ARPP21: variants seen among roughly 807,000 people sequenced by gnomAD.
ARPP21 encodes cAMP-regulated phosphoprotein 21.
ARPP21 carries 69 observed loss-of-function variants against 113.2 expected under a neutral mutation model. The ratio of observed to expected loss-of-function variants is 0.61; its 90% CI spans 0.50 to 0.74. The LOEUF (loss-of-function observed/expected upper bound fraction) is 0.74, where lower values mean the gene tolerates loss of function less well. ARPP21 is among the 30% of genes least tolerant of loss of function. ARPP21 has a pLI of 0.00. For synonymous variants in ARPP21, 368 were observed against 375.5 expected (o/e 0.98, Z 0.23); for missense variants, 1,070 against 1,037.4 (o/e 1.03, Z -0.43).
At chr3:35,656,270 C>T (rs1462853338) in intron 1 of ARPP21, among the ~76,000 whole-genome samples, 1 of 151,876 alleles carries the variant, frequency 6.6e-6, no homozygotes, top group Non-Finnish European at 1.5e-5. Flanking sequence ...TAATAATCCC[C>T]TAATCCACAA....
chr3:35,791,573 G>A (rs2096748536), intron 19 of ARPP21, among the ~76,000 whole-genome samples: 1 of 151,794 alleles, frequency 6.6e-6, no homozygotes, highest in Non-Finnish European at 1.5e-5. Context: ...TTGAAGTGAG[G>A]ATTTAAATAA....
intron 1 of ARPP21, among the ~76,000 whole-genome samples, chr3:35,645,157 T>A (rs1476496057): frequency 6.6e-6 from 1 of 151,844 alleles, no homozygotes; most frequent in African/African-American, 2.4e-5. Flanking sequence ...TTTATCCAGA[T>A]AAAGAGGGCA....
At chr3:35,699,550 C>A (rs1453343786) in intron 9 of ARPP21, among the ~76,000 whole-genome samples, 9 of 151,772 alleles carry the variant, frequency 5.9e-5, no homozygotes, top group Non-Finnish European at 1.3e-4. Flanking sequence ...CACAACCTGA[C>A]TTCTTTCAAT....
At chr3:35,713,289 T>A (rs1310578296) in intron 11 of ARPP21, among the ~76,000 whole-genome samples, 1 of 152,182 alleles carries the variant, frequency 6.6e-6, no homozygotes, top group Non-Finnish European at 1.5e-5. Context: ...TCACAGCCCA[T>A]AACTGTATCT....
At position 35,682,879 on chromosome 3, in the gene ARPP21, G is replaced by C; in HGVS notation, c.161G>C (p.Arg54Thr). The C allele has an allele frequency of 6.2e-7, 1 of 1,608,872 alleles. No homozygotes were observed. The highest frequency in any genetic ancestry group is 8.5e-7 in the Non-Finnish European group (1 of 1,177,134). ...CTGGAGGCTCAGAATCAAGAAAGAAGAAAATCCAAGGTAGGGTTCTTAACA... is the reference window on the plus strand; with the variant it reads ...CTGGAGGCTCAGAATCAAGAAAGAACAAAATCCAAGGTAGGGTTCTTAACA... Reference protein sequence around the residue: ...RRLEAQNQERRKSKSGAGKGK... With the variant: ...RRLEAQNQERTKSKSGAGKGK... Residue 54 changes from arginine to threonine, a missense_variant, in exon 4 of 21, where the codon AGA becomes ACA. Coordinates refer to ENST00000684406, the MANE Select transcript of ARPP21 (RefSeq NM_001385562.1).
At chr3:35,790,496 G>T (rs531911716) in intron 19 of ARPP21, among the ~76,000 whole-genome samples, 1 of 152,116 alleles carries the variant, frequency 6.6e-6, no homozygotes, top group Non-Finnish European at 1.5e-5. Flanking sequence ...AAAAACAATC[G>T]GAAACAATTT....
chr3:35,677,292 A>G (rs918531751), intron 1 of ARPP21, among the ~76,000 whole-genome samples: 4 of 151,902 alleles, frequency 2.6e-5, no homozygotes, highest in African/African-American at 4.8e-5. Flanking sequence ...ACACACAGAC[A>G]CACACACATA....
intron 19 of ARPP21, among the ~76,000 whole-genome samples, chr3:35,774,447 G>T (rs1469018713): frequency 1.3e-5 from 2 of 152,080 alleles, no homozygotes; most frequent in Non-Finnish European, 1.5e-5. Flanking sequence ...ACATTGAATT[G>T]CTCTTTATCA....
intron 5 of ARPP21, chr3:35,685,032 T>A: frequency 1.0e-6 from 1 of 984,954 alleles, no homozygotes; most frequent in Non-Finnish European, 1.2e-6. Context: ...GATTGATGGC[T>A]TGTAATGTAC....
At chr3:35,745,756 T>C (rs765083916) in intron 19 of ARPP21, among the ~76,000 whole-genome samples, 5 of 152,190 alleles carry the variant, frequency 3.3e-5, no homozygotes, top group Non-Finnish European at 7.3e-5. Flanking sequence ...ATGAGGCATT[T>C]TTTACTCTTT....
At chr3:35,664,628 A>T (rs1175327830) in intron 1 of ARPP21, among the ~76,000 whole-genome samples, 1 of 152,104 alleles carries the variant, frequency 6.6e-6, no homozygotes, top group Non-Finnish European at 1.5e-5. Flanking sequence ...AGTCCGCTTT[A>T]TCCCTTCGAA....
chr3:35,696,792 C>T (rs1228568672), intron 9 of ARPP21, among the ~76,000 whole-genome samples: 2 of 151,424 alleles, frequency 1.3e-5, no homozygotes, highest in Non-Finnish European at 3.0e-5. Flanking sequence ...GAATAGTGAT[C>T]TTATCAAAAT....
intron 11 of ARPP21, chr3:35,715,190 C>A: frequency 2.7e-6 from 1 of 373,448 alleles, no homozygotes; most frequent in Non-Finnish European, 4.9e-6. Context: ...TTCTTCTGAC[C>A]TCCATGCCGA....
At position 35,687,263 on chromosome 3, in the gene ARPP21, A is replaced by C. The variant is rs566551149; in HGVS notation, c.262-476A>C. On this transcript the variant is annotated intron_variant, in intron 5 of 20. Transcript: ENST00000684406. Reference sequence around the variant, plus strand: ...TGAGTTTTTAATTGTAAATTCAGTAATAGGGGCTTTCTTTATGTCTGTTCT... The same window carrying C: ...TGAGTTTTTAATTGTAAATTCAGTACTAGGGGCTTTCTTTATGTCTGTTCT... 8.3e-4 allele frequency among the ~76,000 whole-genome samples: 126 copies of C among 151,388 alleles called. 1 individual carries two copies. Among genetic ancestry groups the C allele is most frequent in the African/African-American group, 2.2e-3 (90 of 41,430 alleles).
At chr3:35,643,191 C>A (rs561562664) in intron 1 of ARPP21, among the ~76,000 whole-genome samples, 38 of 152,088 alleles carry the variant, frequency 2.5e-4, no homozygotes, top group Non-Finnish European at 4.9e-4. Context: ...GCTAATTAGA[C>A]AAAATGCTTA....
At chr3:35,767,418 C>CT (rs1366416958) in intron 19 of ARPP21, among the ~76,000 whole-genome samples, 1 of 152,026 alleles carries the variant, frequency 6.6e-6, no homozygotes, top group Non-Finnish European at 1.5e-5. Context: ...AAAGTGTGCT[C>CT]TTTTTTGTTG....
chr3:35,794,267 C>T lies in ARPP21; in HGVS notation c.*309C>T, dbSNP rs1380414597. The T allele has an allele frequency of 3.0e-6, 1 of 328,322 alleles. No homozygotes were observed. The highest frequency in any genetic ancestry group is 5.6e-6 in the Non-Finnish European group (1 of 178,750). The allele number at this position is 328,322 out of a possible 1,614,324, so 20.3% of individuals were successfully genotyped here. A position where few individuals can be genotyped will look rare whatever the true frequency, so the allele number is the denominator to read the frequency against. On this transcript the variant is annotated 3_prime_UTR_variant, in exon 21 of 21. Coordinates refer to ENST00000684406, the MANE Select transcript of ARPP21 (RefSeq NM_001385562.1). Reference sequence around the variant, plus strand: ...ATCCCTAATTTGGATTAGTTTTGTACTTTGTGTTGAGTTTGTGATGCTAAA... The same window carrying T: ...ATCCCTAATTTGGATTAGTTTTGTATTTTGTGTTGAGTTTGTGATGCTAAA...
At chr3:35,690,251 G>A (rs1559629315) in intron 8 of ARPP21, 111 bp downstream of exon 8, 1 of 663,972 alleles carries the variant, frequency 1.5e-6, no homozygotes, top group Non-Finnish European at 2.7e-6. Flanking sequence ...TGTTTAATAT[G>A]TTCCTTGATT....
intron 1 of ARPP21, among the ~76,000 whole-genome samples, chr3:35,664,518 G>A (rs189785052): frequency 1.9e-4 from 29 of 152,212 alleles, no homozygotes; most frequent in African/African-American, 6.7e-4. Flanking sequence ...CAAGTCCCCA[G>A]GTGGCTCTGC....
Sources: gnomAD v4.1 joint callset for allele counts (sites outside exome capture counted in the v4.1 genomes callset) on GRCh38, gnomAD v4.1.1 for gene constraint, MANE v1.5 for transcripts, NCBI Gene and HGNC (gene_info 2026-07-23, HGNC 2026-07-21) for gene names.